Variants in MAST4 observed in about 807,000 individuals in gnomAD.
The protein encoded by MAST4 is microtubule associated serine/threonine kinase family member 4.
A neutral mutation model predicts 162.7 loss-of-function variants in MAST4; 89 were observed. The ratio of observed to expected loss-of-function variants is 0.55; its 90% CI spans 0.46 to 0.65. MAST4 has a LOEUF of 0.65. Ranked by LOEUF, MAST4 falls within the 30% of genes least tolerant of loss-of-function variation. The pLI is 0.00. For synonymous variants in MAST4, 1,479 were observed against 1,361.1 expected, an observed-to-expected ratio of 1.09 and a Z score of -1.91; for missense variants, 3,153 against 3,374.0, an observed-to-expected ratio of 0.93 and a Z score of 1.62.
chr5:67,123,831 C>CT, intron 14 of MAST4, among the ~76,000 whole-genome samples: 1 of 152,322 alleles, frequency 6.6e-6, no homozygotes, highest in South Asian at 2.1e-4. Flanking sequence ...ACATGATTCT[C>CT]TTTTACCTGT....
At chr5:66,784,864 T>C (rs1401038347) in intron 2 of MAST4, among the ~76,000 whole-genome samples, 1 of 152,118 alleles carries the variant, frequency 6.6e-6, no homozygotes, top group Non-Finnish European at 1.5e-5. Context: ...CTTTTAGAGA[T>C]GGGAATATTG....
chr5:67,163,409 G>T lies in MAST4; in HGVS notation c.4230G>T (p.Ala1410=), dbSNP rs200439713. The T allele has an allele frequency of 3.6e-5, 58 of 1,612,600 alleles. No individual in the cohort carries two copies. Among genetic ancestry groups the T allele is most frequent in the Admixed American group, 1.0e-4 (6 of 59,998 alleles). The change falls in exon 29 of 29, where the codon GCG becomes GCT. Residue 1410 remains alanine, a synonymous_variant. Transcript: ENST00000403625. The surrounding 1 kb of genome is among the most constrained non-coding windows in gnomAD (Gnocchi z 7.0). The part of the protein sequence containing the change: ...LGHSLGNSKI[A]QAFPSKMHSP... ...ACTCACTGGGCAATTCCAAGATCGC[G>T]CAAGCCTTTCCCAGCAAGATGCACT...
intron 1 of MAST4, among the ~76,000 whole-genome samples, chr5:66,599,515 T>C (rs1742420921): frequency 6.6e-6 from 1 of 152,224 alleles, no homozygotes; most frequent in Admixed American, 6.5e-5. Context: ...TTACACATGC[T>C]ATCTAATTTA....
chr5:67,102,386 C>G (rs1305312328), intron 8 of MAST4, 150 bp from the exon 9 acceptor site: 5 of 731,586 alleles, frequency 6.8e-6, no homozygotes, highest in African/African-American at 5.2e-5. Context: ...TGCATGTGTA[C>G]TAATGACTGA....
intron 3 of MAST4, among the ~76,000 whole-genome samples, chr5:66,809,659 C>T (rs1756381382): frequency 6.6e-6 from 1 of 152,048 alleles, no homozygotes; most frequent in African/African-American, 2.4e-5. Context: ...ATTCCTTTAT[C>T]TCTCTCTTCT....
chr5:67,074,866 T>A (rs1761423384), intron 5 of MAST4, among the ~76,000 whole-genome samples: 1 of 152,238 alleles, frequency 6.6e-6, no homozygotes, highest in Admixed American at 6.5e-5. Context: ...TTTAAAAAGT[T>A]ATTTTAAAGG....
intron 4 of MAST4, among the ~76,000 whole-genome samples, chr5:67,046,525 A>G: frequency 6.6e-6 from 1 of 152,138 alleles, no homozygotes; most frequent in East Asian, 1.9e-4. Flanking sequence ...AAACAACTTC[A>G]TTTTCTTATC....
intron 4 of MAST4, among the ~76,000 whole-genome samples, chr5:67,044,609 G>A (rs6873991): frequency 6.6e-6 from 1 of 152,070 alleles, no homozygotes; most frequent in Non-Finnish European, 1.5e-5. Context: ...CAAACTCTTA[G>A]GATCAAGTTA....
At chr5:67,100,362 C>A in intron 7 of MAST4, 73 bp from the exon 8 acceptor site, 2 of 1,483,056 alleles carry the variant, frequency 1.3e-6, no homozygotes, top group Non-Finnish European at 1.9e-6. Context: ...AAGTTTAACT[C>A]ATCGATCTCT....
At chr5:66,826,189 A>G (rs935169880) in intron 3 of MAST4, among the ~76,000 whole-genome samples, 9 of 151,862 alleles carry the variant, frequency 5.9e-5, no homozygotes, top group Non-Finnish European at 1.2e-4. Context: ...TTTAAAATGT[A>G]TGTGTATCAC....
At chr5:66,685,371 C>A (rs1299980707) in intron 1 of MAST4, among the ~76,000 whole-genome samples, 1 of 152,012 alleles carries the variant, frequency 6.6e-6, no homozygotes, top group African/African-American at 2.4e-5. Flanking sequence ...CAAATGAGTT[C>A]TTCACAGATA....
chr5:66,624,899 A>G (rs1744324302), intron 1 of MAST4, among the ~76,000 whole-genome samples: 1 of 152,230 alleles, frequency 6.6e-6, no homozygotes, highest in Admixed American at 6.5e-5. Flanking sequence ...TGCAATTGTA[A>G]AACTCCTAGA....
At chr5:67,008,747 G>T (rs1752330706) in intron 4 of MAST4, among the ~76,000 whole-genome samples, 1 of 152,102 alleles carries the variant, frequency 6.6e-6, no homozygotes, top group African/African-American at 2.4e-5. Flanking sequence ...AAGTTTTTGG[G>T]GTTTTTATTT....
chr5:67,049,059 ACG>A (rs1491289814), intron 4 of MAST4, among the ~76,000 whole-genome samples: 2,386 of 82,848 alleles, frequency 0.029, 179 homozygotes, highest in African/African-American at 0.098. Context: ...ATATATATAT[ACG>A]TATATATATA....
chr5:66,799,408 C>G (rs890943692), intron 3 of MAST4, among the ~76,000 whole-genome samples: 2 of 152,160 alleles, frequency 1.3e-5, no homozygotes, highest in African/African-American at 4.8e-5. Context: ...GCCTTCTCCC[C>G]CTTCTCTCCT....
chr5:66,671,219 C>T (rs754474276), intron 1 of MAST4, among the ~76,000 whole-genome samples: 1 of 152,148 alleles, frequency 6.6e-6, no homozygotes. Context: ...TTGTCTATTT[C>T]TATTTCACTT....
intron 3 of MAST4, among the ~76,000 whole-genome samples, chr5:66,886,829 A>AT (rs546453090): frequency 2.6e-5 from 4 of 151,404 alleles, no homozygotes; most frequent in Non-Finnish European, 5.9e-5. Flanking sequence ...AAATGACTTG[A>AT]TTTTTTTGGT....
intron 5 of MAST4, among the ~76,000 whole-genome samples, chr5:67,085,351 C>A (rs966472032): frequency 6.6e-6 from 1 of 152,182 alleles, no homozygotes; most frequent in Non-Finnish European, 1.5e-5. Flanking sequence ...TAACTCATCC[C>A]CCTGCTTCCA....
chr5:66,843,963 G>A (rs973361515), intron 3 of MAST4, among the ~76,000 whole-genome samples: 2 of 152,028 alleles, frequency 1.3e-5, no homozygotes, highest in Non-Finnish European at 2.9e-5. Flanking sequence ...ATGTGCTGGC[G>A]GGGATAGTGG....
Sources: gnomAD v4.1 joint callset for allele counts (sites outside exome capture counted in the v4.1 genomes callset) on GRCh38, gnomAD v4.1.1 for gene constraint, Gnocchi (gnomAD v3.1) non-coding constraint, MANE v1.5 for transcripts, NCBI Gene and HGNC (gene_info 2026-07-23, HGNC 2026-07-21) for gene names.